WDFY4: variants seen among roughly 807,000 people sequenced by gnomAD.
WDFY4 encodes WD repeat- and FYVE domain-containing protein 4.
WDFY4 carries 169 observed loss-of-function variants against 351.9 expected under a neutral mutation model. The ratio of observed to expected loss-of-function variants is 0.48; its 90% CI spans 0.42 to 0.55. The LOEUF (loss-of-function observed/expected upper bound fraction) is 0.55, where lower values mean the gene tolerates loss of function less well. Ranked by LOEUF, WDFY4 falls within the 20% of genes least tolerant of loss-of-function variation. The pLI is 0.00. For synonymous variants in WDFY4, 1,622 were observed against 1,574.6 expected (o/e 1.03, Z -0.71); for missense variants, 3,803 against 3,935.6 (o/e 0.97, Z 0.90).
chr10:48,800,244 A>G (rs1284353383), intron 24 of WDFY4, among the ~76,000 whole-genome samples: 3 of 152,222 alleles, frequency 2.0e-5, no homozygotes, highest in Admixed American at 2.0e-4. Flanking sequence ...GAGAAGACGC[A>G]GTAAAAACCA....
chr10:48,959,907 C>T lies in WDFY4; in HGVS notation c.8223+94C>T, dbSNP rs4317902. 4 of 1,165,590 alleles carry T rather than the reference C, an allele frequency of 3.4e-6. No homozygotes were observed. In the East Asian group the frequency reaches 1.0e-4, roughly 30 times the overall value. The allele number at this position is 1,165,590 out of a possible 1,614,324, so 72.2% of individuals were successfully genotyped here. The stretch of plus-strand genomic sequence containing the variant: ...TTCTGTCCAAGTGGAGGGCCAGTGA[C>T]CAGCACTGTGAGGCTCATGTCTGGA... On this transcript the variant is annotated intron_variant, in intron 53 of 61. Coordinates refer to ENST00000325239, the MANE Select transcript of WDFY4 (RefSeq NM_001394531.1).
chr10:48,838,667 C>A (rs2068490824), intron 39 of WDFY4, among the ~76,000 whole-genome samples: 1 of 152,200 alleles, frequency 6.6e-6, no homozygotes, highest in African/African-American at 2.4e-5. Context: ...CAACAATTTT[C>A]AACTCATGGC....
At chr10:48,979,966 T>C (rs1842742745) in intron 60 of WDFY4, 1 of 152,194 alleles carries the variant, frequency 6.6e-6, no homozygotes, top group East Asian at 1.9e-4. Flanking sequence ...ATTATTGTCA[T>C]TTTTGCAGGC....
intron 47 of WDFY4, among the ~76,000 whole-genome samples, chr10:48,934,011 A>T (rs1035085653): frequency 1.3e-5 from 2 of 152,138 alleles, no homozygotes; most frequent in African/African-American, 4.8e-5. Context: ...CAGGGTGGAC[A>T]GCAGCTGTCT....
chr10:48,730,031 C>T (rs1366797406), intron 8 of WDFY4, among the ~76,000 whole-genome samples: 1 of 152,194 alleles, frequency 6.6e-6, no homozygotes, highest in African/African-American at 2.4e-5. Flanking sequence ...TGTCTGCTCC[C>T]TAAAATTCCT....
chr10:48,934,901 C>G (rs1840258512), intron 47 of WDFY4, among the ~76,000 whole-genome samples: 1 of 152,216 alleles, frequency 6.6e-6, no homozygotes, highest in Non-Finnish European at 1.5e-5. Context: ...GCACACCTGC[C>G]TTCCCAGGCT....
At position 48,897,678 on chromosome 10, in the gene WDFY4, G is replaced by T; in HGVS notation, c.7437+104G>T. ...AGACACACCTCTGTGACTCTTCTTT[G>T]TGCCTATGCACAGCCCAGTGCCCTT... is the stretch of plus-strand genomic sequence containing the variant. On this transcript the variant is annotated intron_variant, in intron 45 of 61. Coordinates refer to ENST00000325239, the MANE Select transcript of WDFY4 (RefSeq NM_001394531.1). The T allele has an allele frequency of 2.7e-6, 4 of 1,476,472 alleles. No individual in the cohort carries two copies. The South Asian group carries it at 4.0e-5, about 15-fold the overall frequency. The allele number at this position is 1,476,472 out of a possible 1,614,324, so 91.5% of individuals were successfully genotyped here.
Position 48,974,890 on chromosome 10 carries a change from C to A in WDFY4, c.8957C>A (p.Thr2986Lys). 6.5e-7 allele frequency: 1 copy of A among 1,549,966 alleles called. No individual in the cohort carries two copies. Among genetic ancestry groups the A allele is most frequent in the Non-Finnish European group, 8.7e-7 (1 of 1,145,840 alleles). Residue 2986 changes from threonine to lysine, a missense_variant, in exon 58 of 62, where the codon ACG (threonine) becomes AAG (lysine). Transcript: ENST00000325239. ...TTGTATGGACACACACAGGCTGTCA[C>A]GTGCCTGGCAGCGTCAGTCACCTTC... ...QALYGHTQAV[T>K]CLAASVTFSL...
chr10:48,697,579 T>C (rs919940963), intron 1 of WDFY4, among the ~76,000 whole-genome samples: 1 of 152,236 alleles, frequency 6.6e-6, no homozygotes, highest in African/African-American at 2.4e-5. Flanking sequence ...GTGTGACTTT[T>C]TGGAGTCAGA....
intron 15 of WDFY4, among the ~76,000 whole-genome samples, chr10:48,776,506 C>CTTCTTTTT (rs1386216360): frequency 6.6e-6 from 1 of 152,214 alleles, no homozygotes; most frequent in African/African-American, 2.4e-5. Context: ...GAAAAGGGAT[C>CTTCTTTTT]TGTGCTGGAA....
At chr10:48,934,591 T>G (rs1840237069) in intron 47 of WDFY4, among the ~76,000 whole-genome samples, 1 of 152,198 alleles carries the variant, frequency 6.6e-6, no homozygotes, top group South Asian at 2.1e-4. Flanking sequence ...GCTTAACCAC[T>G]TATTAGTGGG....
intron 11 of WDFY4, among the ~76,000 whole-genome samples, chr10:48,741,029 CA>C (rs1373936210): frequency 4.6e-5 from 7 of 152,136 alleles, no homozygotes; most frequent in African/African-American, 1.7e-4. Flanking sequence ...CTAGTAACTG[CA>C]ATCTGTTTTG....
intron 12 of WDFY4, among the ~76,000 whole-genome samples, chr10:48,750,534 C>T (rs1033760350): frequency 2.6e-5 from 4 of 152,360 alleles, no homozygotes; most frequent in East Asian, 1.9e-4. Context: ...AGAAGCCTCC[C>T]CTGGCCTGCC....
At chr10:48,712,722 C>A (rs978065803) in intron 2 of WDFY4, among the ~76,000 whole-genome samples, 6 of 152,158 alleles carry the variant, frequency 3.9e-5, no homozygotes, top group African/African-American at 1.4e-4. Flanking sequence ...AATATAGGCC[C>A]TTGTGTAAGA....
chr10:48,715,257 G>A (rs2063870677), intron 2 of WDFY4, among the ~76,000 whole-genome samples: 1 of 152,096 alleles, frequency 6.6e-6, no homozygotes, highest in Non-Finnish European at 1.5e-5. Context: ...GCTGAGCCCT[G>A]CCCACATTGC....
At chr10:48,785,926 C>G (rs1473755304) in intron 19 of WDFY4, among the ~76,000 whole-genome samples, 3 of 152,192 alleles carry the variant, frequency 2.0e-5, no homozygotes, top group Non-Finnish European at 2.9e-5. Context: ...ATTATACTTA[C>G]TGATCAACTC....
At chr10:48,943,254 G>T in intron 48 of WDFY4, 76 bp from the exon 49 acceptor site, 1 of 1,509,926 alleles carries the variant, frequency 6.6e-7, no homozygotes, top group Non-Finnish European at 8.9e-7. Context: ...TGCTGCCGAG[G>T]CCTGAGGGTG....
At position 48,790,695 on chromosome 10, in the gene WDFY4, T is replaced by C; in HGVS notation, c.4067-32T>C. 5.8e-6 allele frequency: 9 copies of C among 1,545,220 alleles called. No individual in the cohort carries two copies. The South Asian group carries it at 1.1e-4, about 19-fold the overall frequency. ...TTCCCATTGCAATGAAGCTGTGACA[T>C]GTTGATGAAATGCCCACTTTATGCC... On this transcript the variant is annotated intron_variant, in intron 22 of 61. Transcript: ENST00000325239.
intron 14 of WDFY4, 130 bp from the exon 15 acceptor site, chr10:48,775,582 A>C (rs1434339005): frequency 6.0e-6 from 5 of 830,008 alleles, no homozygotes; most frequent in Non-Finnish European, 9.6e-6. Flanking sequence ...CATTGCTTTC[A>C]GAAAGGGTGT....
Sources: gnomAD v4.1 joint callset for allele counts (sites outside exome capture counted in the v4.1 genomes callset) on GRCh38, gnomAD v4.1.1 for gene constraint, MANE v1.5 for transcripts, NCBI Gene and HGNC (gene_info 2026-07-23, HGNC 2026-07-21) for gene names.